PADI2: variants seen among roughly 807,000 people sequenced by gnomAD.
PADI2 encodes the protein peptidyl arginine deiminase 2.
Under a neutral mutation model 81.1 loss-of-function variants are expected in PADI2, and 70 were observed. The ratio of observed to expected loss-of-function variants is 0.86; its 90% CI spans 0.71 to 1.05. PADI2 has a LOEUF of 1.05. Among genes scored for constraint, PADI2 ranks in the 50% least tolerant of loss-of-function variants. PADI2 has a pLI of 0.00. For missense variants in PADI2, 853 were observed against 889.9 expected (o/e 0.96, Z 0.53); for synonymous variants, 338 against 358.0 (o/e 0.94, Z 0.63).
intron 14 of PADI2, 132 bp from the exon 15 acceptor site, chr1:17,070,348 G>T: frequency 8.7e-7 from 1 of 1,143,090 alleles, no homozygotes; most frequent in Non-Finnish European, 1.2e-6. Flanking sequence ...CAGTCAGCGG[G>T]CGCCTCTGCA....
intron 6 of PADI2, among the ~76,000 whole-genome samples, chr1:17,088,439 C>T (rs753726915): frequency 3.3e-5 from 5 of 152,140 alleles, no homozygotes; most frequent in Middle Eastern, 3.2e-3. Flanking sequence ...TTGATTAAAA[C>T]GTGAGAAATA....
intron 6 of PADI2, among the ~76,000 whole-genome samples, chr1:17,087,394 T>C (rs1557763945): frequency 6.6e-6 from 1 of 152,224 alleles, no homozygotes; most frequent in Non-Finnish European, 1.5e-5. Flanking sequence ...CTTGCAACAA[T>C]CCAGCCCAGT....
At chr1:17,103,443 A>G (rs948429767) in intron 2 of PADI2, among the ~76,000 whole-genome samples, 3 of 152,184 alleles carry the variant, frequency 2.0e-5, no homozygotes, top group Non-Finnish European at 4.4e-5. Flanking sequence ...GGCACATGGT[A>G]AAGTTCATAA....
At chr1:17,082,836 C>T (rs1220655554) in intron 9 of PADI2, 184 bp from the exon 10 acceptor site, 6 of 523,612 alleles carry the variant, frequency 1.1e-5, no homozygotes, top group Non-Finnish European at 2.0e-5. Context: ...TAGGCAGTCT[C>T]TGCACATCAC....
At chr1:17,078,151 G>C (rs1162276609) in intron 11 of PADI2, among the ~76,000 whole-genome samples, 17 of 152,084 alleles carry the variant, frequency 1.1e-4, no homozygotes, top group Non-Finnish European at 1.3e-4. Flanking sequence ...CACTCTTGTT[G>C]CCCAGGCTGG....
chr1:17,082,820 T>A, intron 9 of PADI2, 168 bp from the exon 10 acceptor site: 2 of 569,792 alleles, frequency 3.5e-6, no homozygotes, highest in Admixed American at 6.6e-5. Flanking sequence ...GCAGCACAGG[T>A]GTCCATAGGC....
At chr1:17,118,766 G>A (rs115879061) in intron 1 of PADI2, among the ~76,000 whole-genome samples, 1,985 of 152,288 alleles carry the variant, frequency 0.013, 20 homozygotes, top group Non-Finnish European at 0.019. Context: ...GGCGAAATCG[G>A]AGCCTGAGTA....
intron 6 of PADI2, among the ~76,000 whole-genome samples, chr1:17,087,492 G>GTTTATTTATTTATTTATTTATTTA (rs138753770): frequency 6.7e-6 from 1 of 148,202 alleles, no homozygotes; most frequent in Admixed American, 6.7e-5. Context: ...TTGTTTGTTT[G>GTTTATTTATTTATTTATTTATTTA]TTTATTTATT....
intron 3 of PADI2, among the ~76,000 whole-genome samples, chr1:17,100,628 A>C (rs1286211859): frequency 3.3e-5 from 5 of 150,806 alleles, no homozygotes; most frequent in Non-Finnish European, 5.9e-5. Context: ...CTATTTTTTA[A>C]GAGTTAAAAT....
At position 17,084,622 on chromosome 1, in the gene PADI2, A is replaced by AG; in HGVS notation, c.914dup (p.Pro306SerfsTer12). The AG allele has an allele frequency of 6.3e-7, 1 of 1,583,438 alleles. No individual in the cohort carries two copies. Among genetic ancestry groups the AG allele is most frequent in the Non-Finnish European group, 8.6e-7 (1 of 1,164,536 alleles). On this transcript the variant is annotated frameshift_variant, in exon 8 of 16. Transcript: ENST00000375486. LOFTEE classifies it high-confidence loss of function. ...ACCAGCACACAAACACCGACACGGGAGGCAGGATGTTGGGGGTCATGATCC... is the reference window on the plus strand; with the variant it reads ...ACCAGCACACAAACACCGACACGGGAGGGCAGGATGTTGGGGGTCATGATCC...
chr1:17,070,349 C>T (rs557131301), intron 14 of PADI2, 133 bp from the exon 15 acceptor site: 188 of 1,117,448 alleles, frequency 1.7e-4, no homozygotes, highest in African/African-American at 3.7e-4. Flanking sequence ...AGTCAGCGGG[C>T]GCCTCTGCAG....
At chr1:17,072,323 T>C (rs764074643) in intron 13 of PADI2, among the ~76,000 whole-genome samples, 1 of 152,236 alleles carries the variant, frequency 6.6e-6, no homozygotes, top group Non-Finnish European at 1.5e-5. Context: ...AAGCCGGATG[T>C]AATCTTTGAG....
intron 1 of PADI2, among the ~76,000 whole-genome samples, chr1:17,106,448 CTT>C (rs1163064553): frequency 1.8e-4 from 25 of 141,108 alleles, no homozygotes; most frequent in Non-Finnish European, 1.6e-4. Context: ...TTTTCTTCTT[CTT>C]TTTTTTTTTT....
intron 3 of PADI2, among the ~76,000 whole-genome samples, chr1:17,099,074 G>C (rs1365654358): frequency 1.3e-5 from 2 of 152,238 alleles, no homozygotes; most frequent in African/African-American, 4.8e-5. Flanking sequence ...GACGGGAAAT[G>C]TCCCTAGGAT....
intron 3 of PADI2, among the ~76,000 whole-genome samples, chr1:17,098,895 A>G (rs1002455650): frequency 2.6e-5 from 4 of 152,246 alleles, no homozygotes; most frequent in Non-Finnish European, 2.9e-5. Context: ...TGACCTGCCC[A>G]GAGCATTGCC....
chr1:17,114,145 G>A (rs1380969110), intron 1 of PADI2, among the ~76,000 whole-genome samples: 3 of 152,192 alleles, frequency 2.0e-5, no homozygotes, highest in Non-Finnish European at 2.9e-5. Context: ...AGGAGCAAGC[G>A]CTGCTCGGGC....
At chr1:17,085,629 C>A (rs902999656) in intron 7 of PADI2, among the ~76,000 whole-genome samples, 1 of 152,124 alleles carries the variant, frequency 6.6e-6, no homozygotes, top group African/African-American at 2.4e-5. Context: ...GGCAAACTAC[C>A]CTTAACTAAG....
At chr1:17,094,492 TC>T (rs1229364418) in intron 4 of PADI2, among the ~76,000 whole-genome samples, 1 of 152,166 alleles carries the variant, frequency 6.6e-6, no homozygotes, top group African/African-American at 2.4e-5. Context: ...CAGAGCAGCT[TC>T]CCCGGGTCCA....
chr1:17,105,953 T>C (rs546739079), intron 1 of PADI2, among the ~76,000 whole-genome samples: 2 of 152,300 alleles, frequency 1.3e-5, no homozygotes, highest in African/African-American at 4.8e-5. Flanking sequence ...CACAGGGTCC[T>C]GTGAAGGTGG....
Sources: allele counts gnomAD v4.1 joint callset (sites outside exome capture counted in the v4.1 genomes callset), GRCh38; gene constraint gnomAD v4.1.1; transcripts MANE v1.5; gene names NCBI Gene and HGNC (gene_info 2026-07-23, HGNC 2026-07-21).